Variants in MARVELD3 observed in about 807,000 individuals in gnomAD.
The protein encoded by MARVELD3 is MARVEL domain-containing protein 3.
In MARVELD3, 28 loss-of-function variants were observed where a neutral mutation model predicts 33.5. The observed-to-expected ratio is 0.84, with a 90% CI of 0.62 to 1.15. The LOEUF is 1.15. Ranked by LOEUF, MARVELD3 falls within the 50% of genes most tolerant of loss-of-function variation. MARVELD3 has a pLI of 0.00. For missense variants in MARVELD3, 582 were observed against 547.6 expected (o/e 1.06, Z -0.63); for synonymous variants, 241 against 230.4 (o/e 1.05, Z -0.42).
chr16:71,633,749 T>G (rs1159525141), intron 2 of MARVELD3, among the ~76,000 whole-genome samples: 1 of 150,524 alleles, frequency 6.6e-6, no homozygotes, highest in Non-Finnish European at 1.5e-5. Context: ...GTTGCCCAGG[T>G]TAGTCTCAAA....
At chr16:71,641,503 T>G in exon 3 of MARVELD3, 1 of 159,488 alleles carries the variant, frequency 6.3e-6, no homozygotes, top group Non-Finnish European at 1.4e-5. Flanking sequence ...CAGGAGAATC[T>G]CTTAAACCCG....
intron 2 of MARVELD3, among the ~76,000 whole-genome samples, chr16:71,633,828 C>T (rs1394540060): frequency 1.3e-5 from 2 of 151,996 alleles, no homozygotes; most frequent in Non-Finnish European, 2.9e-5. Context: ...TGAGCCACCT[C>T]GCCCGGCCTT....
rs772060113 is a variant in MARVELD3 at position 71,634,271 on chromosome 16, G to C, written c.674G>C (p.Gly225Ala). ...TCTGTGTCTTACAGTTCCACAGGGG[G>C]CTACACGGGCATCACCAGCTTGGGG... ...CSSVSYSSTG[G>A]YTGITSLGGI... The change falls in exon 3 of 3, where the codon GGC (glycine) becomes GCC (alanine). Residue 225 changes from glycine (G) to alanine (A), a missense_variant. Transcript: ENST00000268485. 1.2e-6 allele frequency: 2 copies of C among 1,614,094 alleles called. No individual in the cohort carries two copies. The highest frequency in any genetic ancestry group is 2.7e-5 in the African/African-American group (2 of 74,942).
chr16:71,636,870 C>A (rs994732376), downstream of MARVELD3, among the ~76,000 whole-genome samples: 2 of 152,166 alleles, frequency 1.3e-5, no homozygotes, highest in African/African-American at 4.8e-5. Flanking sequence ...GGATTATAGG[C>A]GTGAGCCACC....
Position 71,626,760 on chromosome 16 carries a change from G to T in MARVELD3, c.467+64G>T. The stretch of plus-strand genomic sequence containing the variant: ...ACACCTGTGGCCCAGGCCGGCCCGC[G>T]AGGCCCTGGCGTCCCCGGGTTCTCG... On this transcript the variant is annotated intron_variant, in intron 1 of 2. Coordinates refer to ENST00000268485, the MANE Select transcript of MARVELD3 (RefSeq NM_052858.6). The surrounding 1 kb of genome is among the most constrained non-coding windows in gnomAD (Gnocchi z 5.3). 7.6e-7 allele frequency: 1 copy of T among 1,316,426 alleles called. No homozygotes were observed. Among genetic ancestry groups the T allele is most frequent in the Admixed American group, 3.7e-5 (1 of 27,098 alleles). The allele number at this position is 1,316,426 out of a possible 1,614,324, so 81.5% of individuals were successfully genotyped here.
At chr16:71,640,590 C>T (rs1380329568), downstream of MARVELD3, 2 of 1,614,240 alleles carry the variant, frequency 1.2e-6, no homozygotes, top group Admixed American at 3.3e-5. Flanking sequence ...CCGCTCGCCC[C>T]TGATATACGG....
chr16:71,626,197 G>T lies in MARVELD3; in HGVS notation c.-33G>T. ...AGAAACTTGTTGGTTGTTGCCCTCAGGTCGCTCCCGGGCGGGGACACGGAA... is the reference window on the plus strand; with the variant it reads ...AGAAACTTGTTGGTTGTTGCCCTCATGTCGCTCCCGGGCGGGGACACGGAA... On this transcript the variant is annotated 5_prime_UTR_variant, in exon 1 of 3. In the 5' UTR this introduces an upstream ATG that the reference lacks. Coordinates refer to ENST00000268485, the MANE Select transcript of MARVELD3 (RefSeq NM_052858.6). The surrounding 1 kb of genome is among the most constrained non-coding windows in gnomAD (Gnocchi z 5.3). 1 of 1,443,528 alleles carries T rather than the reference G, an allele frequency of 6.9e-7. No individual in the cohort carries two copies. The highest frequency in any genetic ancestry group is 9.1e-7 in the Non-Finnish European group (1 of 1,100,406). 89.4% of individuals were successfully genotyped at this position (1,443,528 alleles called of 1,614,324 possible).
rs756429638 is a variant in MARVELD3, at chr16:71,634,730, C to A, written c.1133C>A (p.Ala378Asp). The A allele has an allele frequency of 6.2e-7, 1 of 1,613,814 alleles. No homozygotes were observed. The highest frequency in any genetic ancestry group is 1.7e-5 in the Admixed American group (1 of 59,918). Residue 378 changes from alanine (A) to aspartate (D), a missense_variant, in exon 3 of 3, where the codon GCT becomes GAT. By Grantham distance (126) the Ala-to-Asp change is moderately radical. Transcript: ENST00000268485. Reference sequence around the variant, plus strand: ...GGCATTGTGGTCTTTGCCCTGGGGGCTGTCCTGGCCATAAAGGGCTACCGA... The same window carrying A: ...GGCATTGTGGTCTTTGCCCTGGGGGATGTCCTGGCCATAAAGGGCTACCGA... ...ALGIVVFALG[A>D]VLAIKGYRKV...
At chr16:71,640,713 A>C, downstream of MARVELD3, 1 of 1,614,246 alleles carries the variant, frequency 6.2e-7, no homozygotes, top group African/African-American at 1.3e-5. Context: ...GGCCGCCTTC[A>C]GCCTCCTAGC....
chr16:71,634,911 G>C lies in MARVELD3; in HGVS notation c.*108G>C, dbSNP rs936048034. ...GGAAGTTTCCAGTGCTGGAAAAGCA[G>C]CGAGCCAGCGTTGGTGTGGTGGGCG... On this transcript the variant is annotated 3_prime_UTR_variant, in exon 3 of 3. Coordinates refer to ENST00000268485, the MANE Select transcript of MARVELD3 (RefSeq NM_052858.6). The C allele has an allele frequency of 2.5e-5, 37 of 1,484,798 alleles. No individual in the cohort carries two copies. The African/African-American group carries it at 3.0e-4, about 12-fold the overall frequency. 92.0% of individuals were successfully genotyped at this position (1,484,798 alleles called of 1,614,324 possible). A position where few individuals can be genotyped will look rare whatever the true frequency, so the allele number is the denominator to read the frequency against.
In MARVELD3 at chr16:71,626,804, A is replaced by C; in HGVS notation, c.467+108A>C. 1.1e-6 allele frequency: 1 copy of C among 936,220 alleles called. No individual in the cohort carries two copies. The allele number at this position is 936,220 out of a possible 1,614,324, so 58.0% of individuals were successfully genotyped here. ...GTTCTCGTCCTAGGAGCCCGTTTAA[A>C]TGAACAAATGCCGTTTCTCCCTTCT... On this transcript the variant is annotated intron_variant, in intron 1 of 2. Coordinates refer to ENST00000268485, the MANE Select transcript of MARVELD3 (RefSeq NM_052858.6). The surrounding 1 kb of genome is among the most constrained non-coding windows in gnomAD (Gnocchi z 5.3).
downstream of MARVELD3, chr16:71,640,788 G>C (rs554767506): frequency 1.9e-6 from 3 of 1,614,100 alleles, no homozygotes; most frequent in African/African-American, 1.3e-5. Context: ...CAATAGCACC[G>C]ACACTTGCAA....
Position 71,634,716 on chromosome 16 carries a change from C to A in MARVELD3, c.1119C>A (p.Val373=), listed in dbSNP as rs781331003. 6.2e-7 allele frequency: 1 copy of A among 1,614,202 alleles called. No homozygotes were observed. Among genetic ancestry groups the A allele is most frequent in the Non-Finnish European group, 8.5e-7 (1 of 1,180,046 alleles). ...TCTTTGCTGCCCTGGGCATTGTGGT[C>A]TTTGCCCTGGGGGCTGTCCTGGCCA... The part of the protein sequence containing the change: ...AGIFAALGIV[V]FALGAVLAIK... The change falls in exon 3 of 3, where the codon GTC becomes GTA. Residue 373 remains valine (V), a synonymous_variant. Transcript: ENST00000268485.
intron 1 of MARVELD3, 73 bp from the exon 2 acceptor site, chr16:71,629,294 A>T: frequency 1.4e-6 from 2 of 1,440,196 alleles, no homozygotes; most frequent in Non-Finnish European, 1.8e-6. Flanking sequence ...CAGCACGAGG[A>T]GTCAAGAGTT....
chr16:71,626,443 A>AACCGGG lies in MARVELD3; in HGVS notation c.222_227dup (p.Asp74_Arg75dup). The stretch of plus-strand genomic sequence containing the variant: ...GGAGAGGGACGGGAACCGCGACCGG[A>AACCGGG]ACCGGGACCGGGAGAGGGAGAGAGA... On this transcript the variant is annotated inframe_insertion, in exon 1 of 3. Coordinates refer to ENST00000268485, the MANE Select transcript of MARVELD3 (RefSeq NM_052858.6). The surrounding 1 kb of genome is among the most constrained non-coding windows in gnomAD (Gnocchi z 5.3). The AACCGGG allele has an allele frequency of 6.5e-7, 1 of 1,548,684 alleles. No homozygotes were observed. The highest frequency in any genetic ancestry group is 8.7e-7 in the Non-Finnish European group (1 of 1,146,436).
chr16:71,639,991 G>A (rs2044605586), downstream of MARVELD3, among the ~76,000 whole-genome samples: 4 of 152,204 alleles, frequency 2.6e-5, no homozygotes. Context: ...TGTTGAGGCT[G>A]GGTGAGGTGG....
chr16:71,634,919 G>T lies in MARVELD3; in HGVS notation c.*116G>T. On this transcript the variant is annotated 3_prime_UTR_variant, in exon 3 of 3. Coordinates refer to ENST00000268485, the MANE Select transcript of MARVELD3 (RefSeq NM_052858.6). Reference sequence around the variant, plus strand: ...CCAGTGCTGGAAAAGCAGCGAGCCAGCGTTGGTGTGGTGGGCGGAGCTCCC... The same window carrying T: ...CCAGTGCTGGAAAAGCAGCGAGCCATCGTTGGTGTGGTGGGCGGAGCTCCC... 6.8e-7 allele frequency: 1 copy of T among 1,476,908 alleles called. No individual in the cohort carries two copies. 91.5% of individuals were successfully genotyped at this position (1,476,908 alleles called of 1,614,324 possible). A position where few individuals can be genotyped will look rare whatever the true frequency, so the allele number is the denominator to read the frequency against.
downstream of MARVELD3, chr16:71,640,371 C>T (rs769772172): frequency 1.4e-5 from 22 of 1,610,064 alleles, no homozygotes; most frequent in East Asian, 3.3e-4. Flanking sequence ...TGTTAAAGCC[C>T]GAATCTCTCT....
rs138451988 is a variant in MARVELD3, at chr16:71,634,286, C to T, written c.689C>T (p.Thr230Ile). 13 of 1,614,184 alleles carry T rather than the reference C, an allele frequency of 8.1e-6. No homozygotes were observed. The highest frequency in any genetic ancestry group is 1.1e-5 in the Non-Finnish European group (13 of 1,180,032). The change falls in exon 3 of 3, where the codon ACC becomes ATC. Residue 230 changes from threonine to isoleucine, a missense_variant. Transcript: ENST00000268485. ...YSSTGGYTGI[T>I]SLGGIYYYQF... The stretch of plus-strand genomic sequence containing the variant: ...TCCACAGGGGGCTACACGGGCATCA[C>T]CAGCTTGGGGGGCATTTACTACTAT...
Sources: allele counts gnomAD v4.1 joint callset (sites outside exome capture counted in the v4.1 genomes callset), GRCh38; gene constraint gnomAD v4.1.1; non-coding constraint Gnocchi (gnomAD v3.1); transcripts MANE v1.5; gene names NCBI Gene and HGNC (gene_info 2026-07-23, HGNC 2026-07-21).